Variants in NPAS3 observed in about 807,000 individuals in gnomAD.
The protein encoded by NPAS3 is neuronal PAS domain protein 3, also known as neuronal PAS domain-containing protein 3.
A neutral mutation model predicts 73.1 loss-of-function variants in NPAS3; 14 were observed. The observed-to-expected ratio is 0.19, with a 90% confidence interval of 0.13 to 0.30. The LOEUF (loss-of-function observed/expected upper bound fraction) is 0.30. Ranked by LOEUF, NPAS3 falls within the 10% of genes least tolerant of loss-of-function variation. The probability of loss-of-function intolerance (pLI) is 1.00; values close to 1 mark genes in which losing one functional copy is unlikely to be tolerated. For missense variants in NPAS3, 1,096 were observed against 1,250.0 expected, an observed-to-expected ratio of 0.88 and a Z score of 1.86; for synonymous variants, 620 against 541.5, an observed-to-expected ratio of 1.14 and a Z score of -2.01.
chr14:33,374,219 A>C (rs1472020089), intron 4 of NPAS3, among the ~76,000 whole-genome samples: 1 of 152,152 alleles, frequency 6.6e-6, no homozygotes, highest in East Asian at 1.9e-4. Context: ...CATTTCCTCA[A>C]CACCTTTAAC....
chr14:33,665,023 T>C (rs760945495), intron 5 of NPAS3, among the ~76,000 whole-genome samples: 6 of 152,190 alleles, frequency 3.9e-5, no homozygotes, highest in Non-Finnish European at 8.8e-5. Flanking sequence ...ACCCAGAGGA[T>C]TATAAATCAT....
chr14:33,288,174 C>T (rs936412598), intron 3 of NPAS3, among the ~76,000 whole-genome samples: 1 of 152,112 alleles, frequency 6.6e-6, no homozygotes, highest in Non-Finnish European at 1.5e-5. Context: ...GTGGGAGGGC[C>T]AGGTCTGCCA....
intron 3 of NPAS3, among the ~76,000 whole-genome samples, chr14:33,230,013 T>G (rs1462143998): frequency 6.6e-6 from 1 of 152,232 alleles, no homozygotes; most frequent in Non-Finnish European, 1.5e-5. Flanking sequence ...GATGAAATTC[T>G]TCATTTTCAG....
chr14:33,475,549 T>TA (rs5807728), intron 4 of NPAS3, among the ~76,000 whole-genome samples: 5,306 of 112,620 alleles, frequency 0.047, 154 homozygotes, highest in Middle Eastern at 0.1. Context: ...AACTAAGATC[T>TA]AAAAAAAAAA....
At chr14:33,048,676 C>T (rs1175189202) in intron 1 of NPAS3, among the ~76,000 whole-genome samples, 3 of 152,158 alleles carry the variant, frequency 2.0e-5, no homozygotes, top group Non-Finnish European at 4.4e-5. Context: ...GGCATAATTT[C>T]ATCAACCACT....
intron 6 of NPAS3, among the ~76,000 whole-genome samples, chr14:33,727,835 C>G (rs570633181): frequency 3.3e-5 from 5 of 152,234 alleles, no homozygotes; most frequent in Non-Finnish European, 5.9e-5. Flanking sequence ...CAGAATAGAT[C>G]CCTCAAGTGG....
At chr14:33,200,212 T>C (rs1157954989) in intron 2 of NPAS3, among the ~76,000 whole-genome samples, 1 of 150,716 alleles carries the variant, frequency 6.6e-6, no homozygotes, top group Non-Finnish European at 1.5e-5. Flanking sequence ...TTACTTGCAA[T>C]TGCAAAAACC....
At position 33,575,604 on chromosome 14, in the gene NPAS3, T is replaced by C. The variant is rs75768791; in HGVS notation, c.558+15394T>C. 7.8e-3 allele frequency among the ~76,000 whole-genome samples: 1,189 copies of C among 152,344 alleles called. 69 individuals carry two copies. The East Asian group carries it at 0.16, about 21-fold the overall frequency. On this transcript the variant is annotated intron_variant, in intron 5 of 11. Coordinates refer to ENST00000356141, the Ensembl canonical transcript of NPAS3. ...GTGGAGGTACAATGTCTAAGGATGA[T>C]ACAGTCCTTCAGTGAGCTCTTGGTA...
At chr14:33,676,458 T>C in intron 6 of NPAS3, 73 bp downstream of exon 6, 3 of 1,316,148 alleles carry the variant, frequency 2.3e-6, no homozygotes, top group South Asian at 1.5e-5. Flanking sequence ...AAGTTACCCA[T>C]GTGAAGAGAC....
chr14:33,213,182 A>C (rs565524328), intron 2 of NPAS3, among the ~76,000 whole-genome samples: 15 of 152,170 alleles, frequency 9.9e-5, no homozygotes, highest in African/African-American at 3.6e-4. Context: ...TGAACCCTGA[A>C]AGCCCTTGAG....
At chr14:33,147,685 C>T (rs2044284430) in intron 2 of NPAS3, among the ~76,000 whole-genome samples, 1 of 145,900 alleles carries the variant, frequency 6.9e-6, no homozygotes, top group Non-Finnish European at 1.5e-5. Context: ...TGTAACAAAC[C>T]TGCACATTGT....
intron 4 of NPAS3, among the ~76,000 whole-genome samples, chr14:33,445,428 G>A (rs1210878618): frequency 6.6e-6 from 1 of 152,118 alleles, no homozygotes; most frequent in South Asian, 2.1e-4. Context: ...ACTCTGACAT[G>A]TGCCTCCAAT....
At chr14:33,159,820 T>TG (rs1264314689) in intron 2 of NPAS3, among the ~76,000 whole-genome samples, 1 of 152,218 alleles carries the variant, frequency 6.6e-6, no homozygotes, top group East Asian at 1.9e-4. Flanking sequence ...CCCAAAGTGC[T>TG]GGGATTATAG....
chr14:33,195,533 G>A (rs1026434228), intron 2 of NPAS3, among the ~76,000 whole-genome samples: 12 of 152,190 alleles, frequency 7.9e-5, no homozygotes, highest in Admixed American at 2.0e-4. Flanking sequence ...TCCCAAAAAT[G>A]CTGAGATTAT....
At chr14:33,241,673 A>C (rs1356780535) in intron 3 of NPAS3, among the ~76,000 whole-genome samples, 2 of 151,974 alleles carry the variant, frequency 1.3e-5, no homozygotes. Flanking sequence ...GGCTGTAGTA[A>C]ATAATTTAGT....
chr14:33,793,846 T>TA (rs2063436236), intron 9 of NPAS3, 51 bp from the exon 10 acceptor site: 1 of 1,549,000 alleles, frequency 6.5e-7, no homozygotes, highest in Non-Finnish European at 8.7e-7. Context: ...AAAAAAAAGT[T>TA]ATTTGATCCC....
In NPAS3 at chr14:33,044,634, T is replaced by C. The variant is rs546748575; in HGVS notation, c.51-11271T>C. ...ATATGATGAATTTCTGCCTTCAGAA[T>C]TCTAAGAGTGAGTTAGTTTGTTTTT... On this transcript the variant is annotated intron_variant, in intron 1 of 11. Transcript: ENST00000356141. Among the ~76,000 whole-genome samples the C allele has an allele frequency of 1.1e-4, 17 of 151,998 alleles. No individual in the cohort carries two copies. The East Asian group carries it at 2.7e-3, about 24-fold the overall frequency.
At chr14:33,726,074 T>C (rs1390568166) in intron 6 of NPAS3, among the ~76,000 whole-genome samples, 1 of 152,310 alleles carries the variant, frequency 6.6e-6, no homozygotes, top group East Asian at 1.9e-4. Context: ...AATTCTTTAA[T>C]TAGCATTTCC....
chr14:33,396,997 A>T (rs1383363833), intron 4 of NPAS3, among the ~76,000 whole-genome samples: 1 of 152,130 alleles, frequency 6.6e-6, no homozygotes, highest in East Asian at 1.9e-4. Context: ...ACACAAATAT[A>T]AAATGGTGGT....
Sources: allele counts gnomAD v4.1 joint callset (sites outside exome capture counted in the v4.1 genomes callset), GRCh38; gene constraint gnomAD v4.1.1; transcripts MANE v1.5; gene names NCBI Gene and HGNC (gene_info 2026-07-23, HGNC 2026-07-21).